Variants in BSND observed in about 807,000 individuals in gnomAD.
The protein encoded by BSND is barttin CLCNK type accessory subunit beta.
A neutral mutation model predicts 18.8 loss-of-function variants in BSND; 13 were observed. The observed-to-expected ratio is 0.69, with a 90% CI of 0.45 to 1.10. The LOEUF (loss-of-function observed/expected upper bound fraction) is 1.10, where lower values mean the gene tolerates loss of function less well. Ranked by LOEUF, BSND falls within the 50% of genes least tolerant of loss-of-function variation. The pLI is 0.00. For missense variants in BSND, 379 were observed against 416.7 expected, an observed-to-expected ratio of 0.91 and a Z score of 0.79; for synonymous variants, 170 against 161.8, an observed-to-expected ratio of 1.05 and a Z score of -0.39.
Position 55,009,014 on chromosome 1 carries a change from C to T in BSND, c.*386C>T. On this transcript the variant is annotated 3_prime_UTR_variant, in exon 4 of 4. Coordinates refer to ENST00000651561, the MANE Select transcript of BSND (RefSeq NM_057176.3). ...CATTCCTATTGTGTCTTATAGTCCA[C>T]TTGGTAGATGGCGTGATCCGTCTTT... is the stretch of plus-strand genomic sequence containing the variant. 5.9e-6 allele frequency: 2 copies of T among 339,674 alleles called. No individual in the cohort carries two copies. Among genetic ancestry groups the T allele is most frequent in the Non-Finnish European group, 1.1e-5 (2 of 176,952 alleles). The allele number at this position is 339,674 out of a possible 1,614,324, so 21.0% of individuals were successfully genotyped here. A position where few individuals can be genotyped will look rare whatever the true frequency, so the allele number is the denominator to read the frequency against.
At chr1:55,002,696 T>A (rs529356283) in intron 1 of BSND, among the ~76,000 whole-genome samples, 1 of 152,338 alleles carries the variant, frequency 6.6e-6, no homozygotes, top group South Asian at 2.1e-4. Flanking sequence ...AGATGCCCCA[T>A]CCTTTCCTTC....
chr1:55,007,241 G>A lies in BSND; in HGVS notation c.517G>A (p.Gly173Arg), dbSNP rs1644396249. 1 of 1,611,186 alleles carries A rather than the reference G, an allele frequency of 6.2e-7. No individual in the cohort carries two copies. The highest frequency in any genetic ancestry group is 1.3e-5 in the African/African-American group (1 of 74,970). Residue 173 changes from glycine to arginine, a missense_variant, in exon 3 of 4, where the codon GGG (glycine) becomes AGG (arginine). Gly to Arg is a moderately radical substitution (Grantham distance 125). Coordinates refer to ENST00000651561, the MANE Select transcript of BSND (RefSeq NM_057176.3). ...CCACAAGGGCTCAGACGAGAGTGAA[G>A]GGGAAAGACGCCTAACTCAGAGCTG... ...VIHKGSDESE[G>R]ERRLTQSWPG...
rs1015731872 is a variant in BSND, at chr1:55,012,116, A to G, written c.*3488A>G. On this transcript the variant is annotated 3_prime_UTR_variant, in exon 4 of 4. Coordinates refer to ENST00000651561, the MANE Select transcript of BSND (RefSeq NM_057176.3). ...CTGCCCTTAACTGGAAAGGGTGGGC[A>G]AGGGAAGGCAGGGGGCCCAGGGGCA... Among the ~76,000 whole-genome samples the G allele has an allele frequency of 3.9e-5, 6 of 152,200 alleles. No individual in the cohort carries two copies. Among genetic ancestry groups the G allele is most frequent in the Non-Finnish European group, 8.8e-5 (6 of 68,018 alleles).
chr1:55,007,225 C>G lies in BSND; in HGVS notation c.501C>G (p.Gly167=). 1 of 1,613,240 alleles carries G rather than the reference C, an allele frequency of 6.2e-7. No individual in the cohort carries two copies. Among genetic ancestry groups the G allele is most frequent in the Non-Finnish European group, 8.5e-7 (1 of 1,179,246 alleles). Residue 167 remains glycine, a synonymous_variant, in exon 3 of 4, where the codon GGC becomes GGG. Transcript: ENST00000651561. ...WMEAAVVIHK[G]SDESEGERRL... ...AGGCTGCCGTGGTCATCCACAAGGG[C>G]TCAGACGAGAGTGAAGGGGAAAGAC...
At chr1:54,999,880 G>A (rs1202490998) in intron 1 of BSND, among the ~76,000 whole-genome samples, 1 of 152,204 alleles carries the variant, frequency 6.6e-6, no homozygotes, top group African/African-American at 2.4e-5. Flanking sequence ...GGGTCCCAGA[G>A]CGACTGAGAG....
chr1:54,999,157 G>T lies in BSND; in HGVS notation c.-30G>T, dbSNP rs778681727. On this transcript the variant is annotated 5_prime_UTR_variant, in exon 1 of 4. Transcript: ENST00000651561. ...ACTACAGCCACCCCCTCTCCCGGGGGTGTGCAGGCCAGGGACTGGCCAGGC... is the reference window on the plus strand; with the variant it reads ...ACTACAGCCACCCCCTCTCCCGGGGTTGTGCAGGCCAGGGACTGGCCAGGC... The T allele has an allele frequency of 6.2e-7, 1 of 1,613,044 alleles. No individual in the cohort carries two copies. Among genetic ancestry groups the T allele is most frequent in the Non-Finnish European group, 8.5e-7 (1 of 1,179,960 alleles).
chr1:55,007,847 A>C lies in BSND; in HGVS notation c.549-367A>C, dbSNP rs1269806137. On this transcript the variant is annotated intron_variant, in intron 3 of 3. Transcript: ENST00000651561. ...CCTTCACTGGAATCTACCCCTGAGGAGCTCTGAGTCCAATGAGGGAGGCAA... is the reference window on the plus strand; with the variant it reads ...CCTTCACTGGAATCTACCCCTGAGGCGCTCTGAGTCCAATGAGGGAGGCAA... 2.6e-5 allele frequency among the ~76,000 whole-genome samples: 4 copies of C among 152,280 alleles called. No homozygotes were observed. In the East Asian group the frequency reaches 7.7e-4, roughly 29 times the overall value.
Position 55,015,653 on chromosome 1 carries a change from T to G in BSND, c.*7025T>G, listed in dbSNP as rs1644446258. On this transcript the variant is annotated 3_prime_UTR_variant, in exon 4 of 4. Coordinates refer to ENST00000651561, the MANE Select transcript of BSND (RefSeq NM_057176.3). ...ATTCATTTGTTCACTTATTCATTTA[T>G]TCTAACCACAAACACTATGCACCTG... Among the ~76,000 whole-genome samples, 1 of 152,192 alleles carries G rather than the reference T, an allele frequency of 6.6e-6. No individual in the cohort carries two copies. Among genetic ancestry groups the G allele is most frequent in the South Asian group, 2.1e-4 (1 of 4,830 alleles).
In BSND at chr1:55,015,276, T is replaced by C. The variant is rs981564340; in HGVS notation, c.*6648T>C. On this transcript the variant is annotated 3_prime_UTR_variant, in exon 4 of 4. Coordinates refer to ENST00000651561, the MANE Select transcript of BSND (RefSeq NM_057176.3). ...CACTGGGTGGATGCCAGGTCAGGAC[T>C]GAAGCTTGCAGAGCCGGTGTCCTGG... Among the ~76,000 whole-genome samples the C allele has an allele frequency of 6.6e-6, 1 of 152,182 alleles. No homozygotes were observed. The highest frequency in any genetic ancestry group is 2.4e-5 in the African/African-American group (1 of 41,434).
chr1:55,014,625 T>A lies in BSND; in HGVS notation c.*5997T>A, dbSNP rs1644440706. Among the ~76,000 whole-genome samples the A allele has an allele frequency of 6.6e-6, 1 of 152,226 alleles. No homozygotes were observed. Among genetic ancestry groups the A allele is most frequent in the African/African-American group, 2.4e-5 (1 of 41,456 alleles). On this transcript the variant is annotated 3_prime_UTR_variant, in exon 4 of 4. Coordinates refer to ENST00000651561, the MANE Select transcript of BSND (RefSeq NM_057176.3). ...GCACATGTATAATTCGAGCTTTGTA[T>A]CGTCAGTGCTTCCAAGTGCCTGTCA...
In BSND at chr1:55,010,123, G is replaced by A. The variant is rs1644414189; in HGVS notation, c.*1495G>A. ...TTGAGCTGTGATCTCTAGGGGTAAA[G>A]AGACATGAACTACTGACACCGTGCT... On this transcript the variant is annotated 3_prime_UTR_variant, in exon 4 of 4. Transcript: ENST00000651561. 6.6e-6 allele frequency: 1 copy of A among 152,360 alleles called. No individual in the cohort carries two copies. The highest frequency in any genetic ancestry group is 2.1e-4 in the South Asian group (1 of 4,832). 9.4% of individuals were successfully genotyped at this position (152,360 alleles called of 1,614,324 possible). A position where few individuals can be genotyped will look rare whatever the true frequency, so the allele number is the denominator to read the frequency against.
In BSND at chr1:55,008,788, G is replaced by A. The variant is rs2100210189; in HGVS notation, c.*160G>A. ...AAGAAATACACAGGGAGGGGATGAT[G>A]ACTATTAGTGGACTCTTGTTTTTCC... On this transcript the variant is annotated 3_prime_UTR_variant, in exon 4 of 4. Coordinates refer to ENST00000651561, the MANE Select transcript of BSND (RefSeq NM_057176.3). 9.3e-7 allele frequency: 1 copy of A among 1,078,356 alleles called. No homozygotes were observed. 66.8% of individuals were successfully genotyped at this position (1,078,356 alleles called of 1,614,324 possible).
chr1:55,015,825 C>A lies in BSND; in HGVS notation c.*7197C>A, dbSNP rs2100217133. Among the ~76,000 whole-genome samples, 1 of 152,316 alleles carries A rather than the reference C, an allele frequency of 6.6e-6. No homozygotes were observed. The highest frequency in any genetic ancestry group is 1.5e-5 in the Non-Finnish European group (1 of 68,012). ...GAGCAGAGGGAAGCACGGCGGGGAT[C>A]TGACCCCACCTGGAGAGTCGGCAGG... On this transcript the variant is annotated 3_prime_UTR_variant, in exon 4 of 4. Coordinates refer to ENST00000651561, the MANE Select transcript of BSND (RefSeq NM_057176.3).
At chr1:55,001,204 G>A (rs1437758952) in intron 1 of BSND, among the ~76,000 whole-genome samples, 1 of 30,494 alleles carries the variant, frequency 3.3e-5, no homozygotes, top group African/African-American at 3.8e-4. Context: ...GTGGGATCGT[G>A]TGTGTGTGTG....
chr1:55,004,028 G>A (rs1224101052), intron 1 of BSND, among the ~76,000 whole-genome samples: 1 of 152,070 alleles, frequency 6.6e-6, no homozygotes, highest in African/African-American at 2.4e-5. Context: ...CTAGCCCCTG[G>A]CAACCATCTT....
At chr1:55,006,731 A>G in intron 2 of BSND, among the ~76,000 whole-genome samples, 1 of 152,172 alleles carries the variant, frequency 6.6e-6, no homozygotes, top group East Asian at 1.9e-4. Flanking sequence ...TTGCAATTGC[A>G]TCCTTGTGGT....
At chr1:55,000,564 G>C (rs960766451) in intron 1 of BSND, among the ~76,000 whole-genome samples, 7 of 152,236 alleles carry the variant, frequency 4.6e-5, no homozygotes, top group Admixed American at 2.6e-4. Context: ...CCTCCCACCT[G>C]GGTGGCTGTG....
Position 55,012,969 on chromosome 1 carries a change from G to T in BSND, c.*4341G>T, listed in dbSNP as rs931372913. 6.6e-6 allele frequency among the ~76,000 whole-genome samples: 1 copy of T among 152,138 alleles called. No homozygotes were observed. The highest frequency in any genetic ancestry group is 1.9e-4 in the East Asian group (1 of 5,186). On this transcript the variant is annotated 3_prime_UTR_variant, in exon 4 of 4. Transcript: ENST00000651561. ...TTCATTGAATTTAATTTTTCCATCT[G>T]CCCTGAGAGATGGGTATTACCAGGG... is the stretch of plus-strand genomic sequence containing the variant.
chr1:55,008,208 C>G lies in BSND; in HGVS notation c.549-6C>G. ...ACCCTTGCCCTTGTGGTCTTTGTCCCTGCAGCCCCCTGGCCTGTCCCCAGG... is the reference window on the plus strand; with the variant it reads ...ACCCTTGCCCTTGTGGTCTTTGTCCGTGCAGCCCCCTGGCCTGTCCCCAGG... On this transcript the variant is annotated splice_region_variant and splice_polypyrimidine_tract_variant and intron_variant, in intron 3 of 3. Transcript: ENST00000651561. 2 of 1,613,704 alleles carry G rather than the reference C, an allele frequency of 1.2e-6. No individual in the cohort carries two copies. Among genetic ancestry groups the G allele is most frequent in the Non-Finnish European group, 1.7e-6 (2 of 1,179,724 alleles).
Sources: allele counts gnomAD v4.1 joint callset (sites outside exome capture counted in the v4.1 genomes callset), GRCh38; gene constraint gnomAD v4.1.1; transcripts MANE v1.5; gene names NCBI Gene and HGNC (gene_info 2026-07-23, HGNC 2026-07-21).